MED29: variants seen among roughly 807,000 people sequenced by gnomAD.
The protein encoded by MED29 is mediator complex subunit 29.
A neutral mutation model predicts 22.0 loss-of-function variants in MED29; 14 were observed. The observed-to-expected ratio is 0.64, with a 90% CI of 0.42 to 0.99. MED29 has a LOEUF of 0.99. Ranked by LOEUF, MED29 falls within the 50% of genes least tolerant of loss-of-function variation. The pLI is 0.00. For missense variants in MED29, 241 were observed against 253.7 expected, an observed-to-expected ratio of 0.95 and a Z score of 0.34; for synonymous variants, 123 against 107.8, an observed-to-expected ratio of 1.14 and a Z score of -0.87.
chr19:39,393,081 C>CTTTTTCTTTTTTTTTTTTTTTTT (rs2078406532), intron 2 of MED29, among the ~76,000 whole-genome samples: 1 of 34,712 alleles, frequency 2.9e-5, no homozygotes, highest in African/African-American at 9.4e-5. Context: ...TCTTTCTTTT[C>CTTTTTCTTTTTTTTTTTTTTTTT]TTTTTTTTTT....
chr19:39,396,796 G>A (rs1011327030), intron 3 of MED29, among the ~76,000 whole-genome samples: 5 of 151,896 alleles, frequency 3.3e-5, no homozygotes, highest in African/African-American at 1.2e-4. Flanking sequence ...AGGCTGAGGC[G>A]GGTCGGTCAC....
At chr19:39,392,725 A>G (rs1040297320) in intron 2 of MED29, 11 of 536,140 alleles carry the variant, frequency 2.1e-5, no homozygotes, top group Non-Finnish European at 3.6e-5. Flanking sequence ...CACCTGAGTT[A>G]GGAGATCCTC....
In MED29 at chr19:39,397,028, CA is replaced by C. The variant is rs776751725; in HGVS notation, c.361-417del. 3.2e-3 allele frequency among the ~76,000 whole-genome samples: 342 copies of C among 106,346 alleles called. 1 individual carries two copies. Among genetic ancestry groups the C allele is most frequent in the Middle Eastern group, 0.01 (2 of 198 alleles). The allele number at this position is 106,346 out of a possible 152,430, so 69.8% of individuals were successfully genotyped here. On this transcript the variant is annotated intron_variant, in intron 3 of 3. Transcript: ENST00000315588. Reference sequence around the variant, plus strand: ...GGGCAACAAAACCGAAACTCCATCTCAAAAAAAAAAAAGAAAGTAGTACCTA... The same window carrying C: ...GGGCAACAAAACCGAAACTCCATCTCAAAAAAAAAAAGAAAGTAGTACCTA...
chr19:39,391,748 GC>G (rs765851185), intron 1 of MED29, 110 bp downstream of exon 1: 1 of 1,337,746 alleles, frequency 7.5e-7, no homozygotes, highest in Non-Finnish European at 1.0e-6. Context: ...AATAGAACCT[GC>G]TGTTTTGGCC....
intron 3 of MED29, among the ~76,000 whole-genome samples, chr19:39,395,041 A>G (rs1033242196): frequency 6.6e-6 from 1 of 151,664 alleles, no homozygotes; most frequent in Non-Finnish European, 1.5e-5. Context: ...TTTTGTAGAG[A>G]CGGGGTTTTG....
chr19:39,393,386 G>A (rs1380529586), intron 2 of MED29, among the ~76,000 whole-genome samples, 167 bp from the exon 3 acceptor site: 6 of 151,912 alleles, frequency 3.9e-5, no homozygotes, highest in East Asian at 1.9e-4. Flanking sequence ...GTGAGCCACC[G>A]TGCCCAGCCT....
rs142198224 is a variant in MED29 at position 39,393,081 on chromosome 19, C to CTTTTTTTTTTTT, written c.276-451_276-440dup. Among the ~76,000 whole-genome samples the CTTTTTTTTTTTT allele has an allele frequency of 2.8e-3, 98 of 34,720 alleles. 2 individuals carry two copies. The highest frequency in any genetic ancestry group is 4.1e-3 in the Non-Finnish European group (75 of 18,150). 22.8% of individuals were successfully genotyped at this position (34,720 alleles called of 152,430 possible). A position where few individuals can be genotyped will look rare whatever the true frequency, so the allele number is the denominator to read the frequency against. ...TTTTCTTTCTTTCTTTCTTTCTTTT[C>CTTTTTTTTTTTT]TTTTTTTTTTTTTTTTTTTTTTTTT... On this transcript the variant is annotated intron_variant, in intron 2 of 3. Transcript: ENST00000315588.
At chr19:39,392,835 A>G (rs1003950804) in intron 2 of MED29, 5 of 294,300 alleles carry the variant, frequency 1.7e-5, no homozygotes, top group Admixed American at 5.0e-5. Context: ...GAGTCTTGCT[A>G]TGTTTCCCAG....
In MED29 at chr19:39,392,447, GT is replaced by G. The variant is rs1568377575; in HGVS notation, c.217-12del. On this transcript the variant is annotated splice_polypyrimidine_tract_variant and intron_variant, in intron 1 of 3. Coordinates refer to ENST00000315588, the MANE Select transcript of MED29 (RefSeq NM_017592.4). ...TGTTTTTCCATTTCCCACGTGTTTTGTTTTTGTTTTGACTAGACCTTGATGA... is the reference window on the plus strand; with the variant it reads ...TGTTTTTCCATTTCCCACGTGTTTTGTTTTGTTTTGACTAGACCTTGATGA... 1 of 1,613,310 alleles carries G rather than the reference GT, an allele frequency of 6.2e-7. No homozygotes were observed. The highest frequency in any genetic ancestry group is 8.5e-7 in the Non-Finnish European group (1 of 1,179,472).
rs572575448 is a variant in MED29 at position 39,391,724 on chromosome 19, T to C, written c.216+86T>C. The C allele has an allele frequency of 4.1e-6, 6 of 1,457,478 alleles. No homozygotes were observed. In the South Asian group the frequency reaches 5.4e-5, roughly 13 times the overall value. The allele number at this position is 1,457,478 out of a possible 1,614,324, so 90.3% of individuals were successfully genotyped here. On this transcript the variant is annotated intron_variant, in intron 1 of 3. Coordinates refer to ENST00000315588, the MANE Select transcript of MED29 (RefSeq NM_017592.4). ...GGGCCAGGTTAGTCGGAGAGAGCGC[T>C]AAGCAGAAAGAGGAATAGAACCTGC...
At chr19:39,394,515 C>T (rs2078417443) in intron 3 of MED29, among the ~76,000 whole-genome samples, 2 of 148,298 alleles carry the variant, frequency 1.3e-5, no homozygotes, top group Non-Finnish European at 3.0e-5. Context: ...CCTCAGTCTC[C>T]TAAAGTGCTA....
Position 39,397,732 on chromosome 19 carries a change from T to TG in MED29, c.*35dup. On this transcript the variant is annotated 3_prime_UTR_variant, in exon 4 of 4. Transcript: ENST00000315588. ...GACAGGGAGTGGGGCAGGCAGTGGT[T>TG]GGTGGGTGGTGTGCAAAGGGAATGA... 4.4e-6 allele frequency: 7 copies of TG among 1,594,472 alleles called. No homozygotes were observed. Among genetic ancestry groups the TG allele is most frequent in the Non-Finnish European group, 6.0e-6 (7 of 1,174,528 alleles).
intron 3 of MED29, 129 bp from the exon 4 acceptor site, chr19:39,397,328 A>C: frequency 1.0e-6 from 1 of 986,202 alleles, no homozygotes; most frequent in Non-Finnish European, 1.5e-6. Flanking sequence ...AATGACTGGC[A>C]GGGCCAACCT....
rs778727458 is a variant in MED29, at chr19:39,391,533, A to C, written c.111A>C (p.Gln37His). ...GPQQQPQPPA[Q>H]LVGPAQSGLL... ...AGCAGCAGCCGCAACCGCCAGCACA[A>C]CTGGTGGGCCCTGCCCAGAGCGGCC... is the stretch of plus-strand genomic sequence containing the variant. Residue 37 changes from glutamine to histidine, a missense_variant, in exon 1 of 4, where the codon CAA (glutamine) becomes CAC (histidine). Gln to His is a conservative substitution (Grantham distance 24). Coordinates refer to ENST00000315588, the MANE Select transcript of MED29 (RefSeq NM_017592.4). The C allele has an allele frequency of 6.2e-7, 1 of 1,613,732 alleles. No homozygotes were observed. The highest frequency in any genetic ancestry group is 1.1e-5 in the South Asian group (1 of 91,082).
rs143502478 is a variant in MED29, at chr19:39,397,488, G to A, written c.392G>A (p.Cys131Tyr). 7 of 1,609,252 alleles carry A rather than the reference G, an allele frequency of 4.3e-6. No homozygotes were observed. Among genetic ancestry groups the A allele is most frequent in the Non-Finnish European group, 5.9e-6 (7 of 1,179,976 alleles). The stretch of plus-strand genomic sequence containing the variant: ...GCGCATGAGTGCCTGTCACAGAGTT[G>A]TGACAGTGCCAAGCACTCTCCAACG... ...RLAHECLSQSCDSAKHSPTLV... is the reference protein window; with the variant it reads ...RLAHECLSQSYDSAKHSPTLV... The change falls in exon 4 of 4, where the codon TGT (cysteine) becomes TAT (tyrosine). Residue 131 changes from cysteine (C) to tyrosine (Y), a missense_variant. Coordinates refer to ENST00000315588, the MANE Select transcript of MED29 (RefSeq NM_017592.4).
rs777945575 is a variant in MED29, at chr19:39,397,698, G to T, written c.602G>T (p.Ter201LeuextTer35). The change falls in exon 4 of 4, where the codon TGA becomes TTA. Residue 201 changes from the stop codon to leucine, a stop_lost. Transcript: ENST00000315588. Reference sequence around the variant, plus strand: ...CCTGCTGGCCCTGGGGGCACTCTGTGAAGTGGGGGACAGGGAGTGGGGCAG... The same window carrying T: ...CCTGCTGGCCCTGGGGGCACTCTGTTAAGTGGGGGACAGGGAGTGGGGCAG... ...APPAGPGGTL[*>L] 4 of 1,607,130 alleles carry T rather than the reference G, an allele frequency of 2.5e-6. No individual in the cohort carries two copies. Among genetic ancestry groups the T allele is most frequent in the Non-Finnish European group, 2.5e-6 (3 of 1,179,228 alleles).
intron 2 of MED29, among the ~76,000 whole-genome samples, chr19:39,393,227 C>G (rs1472807594): frequency 6.6e-6 from 1 of 151,066 alleles, no homozygotes; most frequent in Non-Finnish European, 1.5e-5. Flanking sequence ...TCCCAAGTAG[C>G]TGGGACTACA....
In MED29 at chr19:39,395,974, G is replaced by A. The variant is rs1171181772; in HGVS notation, c.361-1483G>A. The stretch of plus-strand genomic sequence containing the variant: ...GGGACCTAGGAGAAGCAGTTTTGGG[G>A]AGTACAAGGGCCCTACAAATGTCAG... On this transcript the variant is annotated intron_variant, in intron 3 of 3. Coordinates refer to ENST00000315588, the MANE Select transcript of MED29 (RefSeq NM_017592.4). 2.6e-5 allele frequency among the ~76,000 whole-genome samples: 4 copies of A among 152,132 alleles called. No individual in the cohort carries two copies. The East Asian group carries it at 7.7e-4, about 29-fold the overall frequency.
In MED29 at chr19:39,397,506, C is replaced by T. The variant is rs745581104; in HGVS notation, c.410C>T (p.Ser137Phe). ...LSQSCDSAKHSPTLVPTATKP... is the reference protein window; with the variant it reads ...LSQSCDSAKHFPTLVPTATKP... ...CAGAGTTGTGACAGTGCCAAGCACT[C>T]TCCAACGTTGGTGCCCACAGCCACC... Residue 137 changes from serine (S) to phenylalanine (F), a missense_variant, in exon 4 of 4, where the codon TCT becomes TTT. Ser to Phe is a radical substitution (Grantham distance 155, BLOSUM62 -2). Transcript: ENST00000315588. 3 of 1,611,350 alleles carry T rather than the reference C, an allele frequency of 1.9e-6. No individual in the cohort carries two copies. Among genetic ancestry groups the T allele is most frequent in the Non-Finnish European group, 2.5e-6 (3 of 1,180,016 alleles).
Sources: gnomAD v4.1 joint callset for allele counts (sites outside exome capture counted in the v4.1 genomes callset) on GRCh38, gnomAD v4.1.1 for gene constraint, MANE v1.5 for transcripts, NCBI Gene and HGNC (gene_info 2026-07-23, HGNC 2026-07-21) for gene names.